Variants in BTN2A1 observed in about 807,000 individuals in gnomAD.
BTN2A1 encodes the protein butyrophilin subfamily 2 member A1.
BTN2A1 carries 41 observed loss-of-function variants against 34.5 expected under a neutral mutation model. That is an observed-to-expected ratio of 1.19 (90% confidence interval 0.93 to 1.54). The LOEUF (loss-of-function observed/expected upper bound fraction) is 1.54. Ranked by LOEUF, BTN2A1 falls within the 40% of genes most tolerant of loss-of-function variation. The probability of loss-of-function intolerance (pLI) is 0.00; values close to 1 mark genes in which losing one functional copy is unlikely to be tolerated. For synonymous variants in BTN2A1, 267 were observed against 258.6 expected (o/e 1.03, Z -0.31); for missense variants, 642 against 662.0 (o/e 0.97, Z 0.33).
intron 3 of BTN2A1, among the ~76,000 whole-genome samples, chr6:26,460,846 G>T (rs1180524464): frequency 6.6e-6 from 1 of 152,164 alleles, no homozygotes; most frequent in Non-Finnish European, 1.5e-5. Flanking sequence ...GGAGGCAGAG[G>T]TTGCAGGGAG....
rs376402375 is a variant in BTN2A1 at position 26,467,983 on chromosome 6, G to A, written c.1018G>A (p.Asp340Asn). The change falls in exon 8 of 8, where the codon GAT (aspartate) becomes AAT (asparagine). Residue 340 changes from aspartate to asparagine, a missense_variant. Transcript: ENST00000312541. The part of the protein sequence containing the change: ...VVLDPDTAHP[D>N]LFLSEDRRSV... The stretch of plus-strand genomic sequence containing the variant: ...CCTGGATCCAGACACCGCTCATCCC[G>A]ATCTCTTCCTGTCAGAGGACCGGAG... 59 of 1,613,964 alleles carry A rather than the reference G, an allele frequency of 3.7e-5. No individual in the cohort carries two copies. Among genetic ancestry groups the A allele is most frequent in the Admixed American group, 5.0e-5 (3 of 60,000 alleles).
At chr6:26,460,468 C>T (rs1763137848) in intron 3 of BTN2A1, among the ~76,000 whole-genome samples, 3 of 152,192 alleles carry the variant, frequency 2.0e-5, no homozygotes, top group Non-Finnish European at 4.4e-5. Context: ...TTCCTGCTAA[C>T]TCCATAGAGA....
chr6:26,462,762 C>T (rs1215148304), intron 3 of BTN2A1: 2 of 1,265,236 alleles, frequency 1.6e-6, no homozygotes, highest in African/African-American at 3.1e-5. Context: ...TTCTGCCCGC[C>T]TGGCAGACTT....
In BTN2A1 at chr6:26,469,205, T is replaced by C; in HGVS notation, c.*656T>C. 9.6e-7 allele frequency: 1 copy of C among 1,037,776 alleles called. No homozygotes were observed. Among genetic ancestry groups the C allele is most frequent in the South Asian group, 3.6e-5 (1 of 27,986 alleles). 64.3% of individuals were successfully genotyped at this position (1,037,776 alleles called of 1,614,324 possible). A position where few individuals can be genotyped will look rare whatever the true frequency, so the allele number is the denominator to read the frequency against. ...TGGATGCACGTGGATGTAGTTTGGC[T>C]CAGGTGTCCCTGCAGTTGGCAAGGA... On this transcript the variant is annotated 3_prime_UTR_variant, in exon 8 of 8. Transcript: ENST00000312541.
rs775747120 is a variant in BTN2A1, at chr6:26,469,437, A to G, written c.*888A>G. On this transcript the variant is annotated 3_prime_UTR_variant, in exon 8 of 8. Coordinates refer to ENST00000312541, the MANE Select transcript of BTN2A1 (RefSeq NM_007049.5). ...TTTGGGTTAATATTTGTTGGTATTT[A>G]TGGCATTTGAGATTGAAACTAAGAA... The G allele has an allele frequency of 2.9e-4, 201 of 695,868 alleles. No homozygotes were observed. The highest frequency in any genetic ancestry group is 3.3e-4 in the Non-Finnish European group (188 of 566,176). The allele number at this position is 695,868 out of a possible 1,614,324, so 43.1% of individuals were successfully genotyped here. A position where few individuals can be genotyped will look rare whatever the true frequency, so the allele number is the denominator to read the frequency against.
In BTN2A1 at chr6:26,468,527, T is replaced by C; in HGVS notation, c.1562T>C (p.Val521Ala). ...GAAGAGGGCCTGACACTTCACAGAG[T>C]GGGGACCCACCAGAGCCTATAGAAT... ...VPEEGLTLHRVGTHQSL is the reference protein window; with the variant it reads ...VPEEGLTLHRAGTHQSL Residue 521 changes from valine (V) to alanine (A), a missense_variant, in exon 8 of 8, where the codon GTG becomes GCG. By Grantham distance (64) the Val-to-Ala change is moderately conservative. Transcript: ENST00000312541. The C allele has an allele frequency of 6.2e-7, 1 of 1,613,990 alleles. No individual in the cohort carries two copies. The highest frequency in any genetic ancestry group is 8.5e-7 in the Non-Finnish European group (1 of 1,180,006).
rs1486037439 is a variant in BTN2A1, at chr6:26,462,885, C to T, written c.431-359C>T. On this transcript the variant is annotated intron_variant, in intron 3 of 7. Coordinates refer to ENST00000312541, the MANE Select transcript of BTN2A1 (RefSeq NM_007049.5). ...TGCCTGTTTGAAGTTGGAGTCGACACACCCATCTCAAAGTGAGAAAATTAG... is the reference window on the plus strand; with the variant it reads ...TGCCTGTTTGAAGTTGGAGTCGACATACCCATCTCAAAGTGAGAAAATTAG... 7.8e-6 allele frequency: 10 copies of T among 1,276,026 alleles called. No individual in the cohort carries two copies. The Admixed American group carries it at 2.1e-4, about 27-fold the overall frequency. 79.0% of individuals were successfully genotyped at this position (1,276,026 alleles called of 1,614,324 possible).
Position 26,469,158 on chromosome 6 carries a change from G to T in BTN2A1, c.*609G>T. 1 of 1,063,276 alleles carries T rather than the reference G, an allele frequency of 9.4e-7. No homozygotes were observed. 65.9% of individuals were successfully genotyped at this position (1,063,276 alleles called of 1,614,324 possible). ...GCGCACATCCACAGGCCTGGACCTG[G>T]GATGAAGATGAATGAAGAACATGGA... On this transcript the variant is annotated 3_prime_UTR_variant, in exon 8 of 8. Transcript: ENST00000312541.
chr6:26,468,209 T>A lies in BTN2A1; in HGVS notation c.1244T>A (p.Leu415Gln). Residue 415 changes from leucine to glutamine, a missense_variant, in exon 8 of 8, where the codon CTG becomes CAG. Physicochemically the swap from Leu to Gln is moderately radical, Grantham distance 113. Coordinates refer to ENST00000312541, the MANE Select transcript of BTN2A1 (RefSeq NM_007049.5). ...GTTGAGAGGAAAGGGGAGGTCCTGC[T>A]GATTCCTCAGAATGGCTTCTGGACC... ...DSVERKGEVL[L>Q]IPQNGFWTLE... 4 of 1,614,214 alleles carry A rather than the reference T, an allele frequency of 2.5e-6. No homozygotes were observed. The highest frequency in any genetic ancestry group is 3.4e-6 in the Non-Finnish European group (4 of 1,180,024).
chr6:26,463,787 A>G (rs1763238931), intron 4 of BTN2A1, among the ~76,000 whole-genome samples: 1 of 151,738 alleles, frequency 6.6e-6, no homozygotes, highest in Non-Finnish European at 1.5e-5. Flanking sequence ...TTTTCCCCCC[A>G]ATAAGGTCCT....
chr6:26,473,928 T>C (rs1336234519), downstream of BTN2A1, among the ~76,000 whole-genome samples: 1 of 152,204 alleles, frequency 6.6e-6, no homozygotes, highest in Non-Finnish European at 1.5e-5. Flanking sequence ...TGAGAAATGG[T>C]ACCTCTGAGC....
At chr6:26,459,884 T>G in intron 3 of BTN2A1, 56 bp downstream of exon 3, 1 of 1,528,198 alleles carries the variant, frequency 6.5e-7, no homozygotes, top group Non-Finnish European at 8.9e-7. Context: ...TGGGGAAAGT[T>G]TCTCTCCTAA....
rs1378964285 is a variant in BTN2A1, at chr6:26,463,485, C to T, written c.672C>T (p.Thr224=). The change falls in exon 4 of 8, where the codon ACC becomes ACT. Residue 224 remains threonine, a synonymous_variant. Transcript: ENST00000312541. ...VRNMSCSINN[T]LLGQKKESVI... Reference sequence around the variant, plus strand: ...ACATGTCCTGCTCTATCAACAACACCCTGCTCGGCCAGAAGAAAGAAAGTG... The same window carrying T: ...ACATGTCCTGCTCTATCAACAACACTCTGCTCGGCCAGAAGAAAGAAAGTG... 1.2e-6 allele frequency: 2 copies of T among 1,613,912 alleles called. No individual in the cohort carries two copies. The highest frequency in any genetic ancestry group is 1.7e-6 in the Non-Finnish European group (2 of 1,179,966).
Position 26,465,939 on chromosome 6 carries a change from T to C in BTN2A1, c.935-14T>C, listed in dbSNP as rs1416192463. The C allele has an allele frequency of 1.4e-5, 22 of 1,608,066 alleles. No individual in the cohort carries two copies. The highest frequency in any genetic ancestry group is 1.8e-5 in the Non-Finnish European group (21 of 1,177,804). Reference sequence around the variant, plus strand: ...CTTCTGTCAAAGACATGATTTTCTTTGTTTGTTTTTCAGAGAAACTTCAAG... The same window carrying C: ...CTTCTGTCAAAGACATGATTTTCTTCGTTTGTTTTTCAGAGAAACTTCAAG... On this transcript the variant is annotated splice_polypyrimidine_tract_variant and intron_variant, in intron 5 of 7. Coordinates refer to ENST00000312541, the MANE Select transcript of BTN2A1 (RefSeq NM_007049.5).
At chr6:26,471,582 A>G (rs768583308), downstream of BTN2A1, among the ~76,000 whole-genome samples, 2 of 152,132 alleles carry the variant, frequency 1.3e-5, no homozygotes, top group Non-Finnish European at 2.9e-5. Context: ...CAGAAGGTGG[A>G]GGTTGCAGTG....
chr6:26,466,224 G>A, intron 7 of BTN2A1, 136 bp downstream of exon 7: 3 of 1,329,892 alleles, frequency 2.3e-6, no homozygotes, highest in Non-Finnish European at 3.2e-6. Context: ...CATCAACAGT[G>A]TCCCAGCAAT....
In BTN2A1 at chr6:26,468,081, G is replaced by C; in HGVS notation, c.1116G>C (p.Gln372His). ...ACAACCCAGAGAGATTCGACAGTCA[G>C]CCTTGTGTCCTAGGCCGGGAGAGCT... The part of the protein sequence containing the change: ...VPDNPERFDS[Q>H]PCVLGRESFA... Residue 372 changes from glutamine (Q) to histidine (H), a missense_variant, in exon 8 of 8, where the codon CAG (glutamine) becomes CAC (histidine). Physicochemically the swap from Gln to His is conservative, Grantham distance 24. Coordinates refer to ENST00000312541, the MANE Select transcript of BTN2A1 (RefSeq NM_007049.5). The C allele has an allele frequency of 6.2e-7, 1 of 1,614,234 alleles. No homozygotes were observed. Among genetic ancestry groups the C allele is most frequent in the Non-Finnish European group, 8.5e-7 (1 of 1,180,048 alleles).
At chr6:26,474,009 T>G (rs978398750), downstream of BTN2A1, among the ~76,000 whole-genome samples, 1 of 152,262 alleles carries the variant, frequency 6.6e-6, no homozygotes, top group African/African-American at 2.4e-5. Flanking sequence ...AGCACATGCT[T>G]TCTTTTCCTT....
At chr6:26,467,094 T>C (rs529563181) in intron 7 of BTN2A1, among the ~76,000 whole-genome samples, 2 of 152,280 alleles carry the variant, frequency 1.3e-5, no homozygotes, top group East Asian at 3.9e-4. Flanking sequence ...AGGGTGCCCT[T>C]GTTAGTCATT....
Sources: allele counts gnomAD v4.1 joint callset (sites outside exome capture counted in the v4.1 genomes callset), GRCh38; gene constraint gnomAD v4.1.1; transcripts MANE v1.5; gene names NCBI Gene and HGNC (gene_info 2026-07-23, HGNC 2026-07-21).